The following PTHLH variants were observed in gnomAD, a reference collection of about 807,000 sequenced individuals.
The protein encoded by PTHLH is parathyroid hormone-related protein.
In PTHLH, 5 loss-of-function variants were observed where a neutral mutation model predicts 18.6. The observed-to-expected ratio is 0.27, with a 90% CI of 0.14 to 0.56. The LOEUF is 0.56. Ranked by LOEUF, PTHLH falls within the 20% of genes least tolerant of loss-of-function variation. The pLI is 0.92. For synonymous variants in PTHLH, 90 were observed against 94.0 expected (o/e 0.96, Z 0.25); for missense variants, 207 against 223.9 (o/e 0.92, Z 0.48).
chr12:27,961,240 A>T (rs926898290), intron 5 of PTHLH, among the ~76,000 whole-genome samples: 2 of 119,466 alleles, frequency 1.7e-5, no homozygotes, highest in African/African-American at 5.9e-5. Context: ...AATAAATAAA[A>T]TCCATCAAAA....
At chr12:27,969,675 A>G in intron 3 of PTHLH, 159 bp from the exon 4 acceptor site, 1 of 778,552 alleles carries the variant, frequency 1.3e-6, no homozygotes, top group Non-Finnish European at 2.3e-6. Flanking sequence ...GCCTCTCAGC[A>G]CTTACTTATT....
At chr12:27,961,317 AT>A (rs1288278457) in intron 5 of PTHLH, among the ~76,000 whole-genome samples, 1 of 137,052 alleles carries the variant, frequency 7.3e-6, no homozygotes, top group South Asian at 2.4e-4. Flanking sequence ...ATATATATAT[AT>A]ATACGTATAT....
intron 2 of PTHLH, among the ~76,000 whole-genome samples, chr12:27,970,755 G>A (rs1395235836): frequency 6.6e-6 from 1 of 152,128 alleles, no homozygotes; most frequent in Admixed American, 6.5e-5. Context: ...CGGGGACCGC[G>A]GGCAACCGGG....
chr12:27,966,093 A>T (rs963793704), intron 4 of PTHLH, among the ~76,000 whole-genome samples: 1 of 152,208 alleles, frequency 6.6e-6, no homozygotes, highest in African/African-American at 2.4e-5. Flanking sequence ...CATTGCTCAT[A>T]TGCCCCTTCT....
chr12:27,958,529 T>A lies in PTHLH; in HGVS notation c.*30A>T, dbSNP rs1479485542. Reference sequence around the variant, plus strand: ...TGTTCACTATTACAGAATCCTGCAATATGTCCTTGGAAGGTCTCTGCTGAA... The same window carrying A: ...TGTTCACTATTACAGAATCCTGCAAAATGTCCTTGGAAGGTCTCTGCTGAA... On this transcript the variant is annotated 3_prime_UTR_variant, in exon 6 of 6. Transcript: ENST00000545234. 1 of 1,561,552 alleles carries A rather than the reference T, an allele frequency of 6.4e-7. No homozygotes were observed. The highest frequency in any genetic ancestry group is 1.2e-5 in the South Asian group (1 of 84,506).
In PTHLH at chr12:27,963,329, G is replaced by C; in HGVS notation, c.524+19C>G. On this transcript the variant is annotated intron_variant, in intron 5 of 5. Transcript: ENST00000545234. ...CTGAGAGCACCCCGCTGAGGCTACG[G>C]GCCAGAGAAGCCTGTTACCGTGAAT... 1 of 1,614,184 alleles carries C rather than the reference G, an allele frequency of 6.2e-7. No homozygotes were observed. The highest frequency in any genetic ancestry group is 8.5e-7 in the Non-Finnish European group (1 of 1,180,018).
At chr12:27,964,605 T>A (rs1313403731) in intron 4 of PTHLH, among the ~76,000 whole-genome samples, 1 of 147,034 alleles carries the variant, frequency 6.8e-6, no homozygotes, top group Non-Finnish European at 1.5e-5. Flanking sequence ...GTGCTTCATG[T>A]TTTTTTTTTA....
Position 27,958,395 on chromosome 12 carries a change from A to AT in PTHLH, c.*163_*164insA, listed in dbSNP as rs1234520784. ...ATTGGATTAGCCTTGGCAAAAAAAA[A>AT]ATATTCACAATGACCAATGTGCAGT... On this transcript the variant is annotated 3_prime_UTR_variant, in exon 6 of 6. Coordinates refer to ENST00000545234, the MANE Select transcript of PTHLH (RefSeq NM_198965.2). 1 of 550,156 alleles carries AT rather than the reference A, an allele frequency of 1.8e-6. No homozygotes were observed. Among genetic ancestry groups the AT allele is most frequent in the African/African-American group, 2.0e-5 (1 of 50,860 alleles). 34.1% of individuals were successfully genotyped at this position (550,156 alleles called of 1,614,324 possible). A position where few individuals can be genotyped will look rare whatever the true frequency, so the allele number is the denominator to read the frequency against.
chr12:27,961,460 T>A (rs974717874), intron 5 of PTHLH, among the ~76,000 whole-genome samples: 1 of 146,856 alleles, frequency 6.8e-6, no homozygotes, highest in South Asian at 2.1e-4. Context: ...ATTTATTGAA[T>A]GTTTACTATA....
chr12:27,965,747 ATAGT>A (rs1282451665), intron 4 of PTHLH, among the ~76,000 whole-genome samples: 39 of 152,332 alleles, frequency 2.6e-4, no homozygotes, highest in Admixed American at 1.8e-3. Flanking sequence ...CTCTGCGGTA[ATAGT>A]TAGTATTCTG....
intron 5 of PTHLH, chr12:27,962,069 C>T (rs1327697010): frequency 1.7e-6 from 1 of 597,202 alleles, no homozygotes. Flanking sequence ...AAACATAGCA[C>T]TGTCTACGTG....
chr12:27,965,742 C>T (rs33091), intron 4 of PTHLH, among the ~76,000 whole-genome samples: 98,362 of 152,102 alleles, frequency 0.65, 33,496 homozygotes, highest in African/African-American at 0.88. Flanking sequence ...ACTTACTCTG[C>T]GGTAATAGTT....
rs575367026 is a variant in PTHLH, at chr12:27,963,159, T to A, written c.524+189A>T. ...TCTCTATGGTGCTGGAGGACAGGGG[T>A]GTGTGTGGTAGGGGGGTACTGCTTT... On this transcript the variant is annotated intron_variant, in intron 5 of 5. Coordinates refer to ENST00000545234, the MANE Select transcript of PTHLH (RefSeq NM_198965.2). 157 of 1,475,364 alleles carry A rather than the reference T, an allele frequency of 1.1e-4. No homozygotes were observed. The highest frequency in any genetic ancestry group is 7.4e-4 in the Middle Eastern group (3 of 4,038). The allele number at this position is 1,475,364 out of a possible 1,614,324, so 91.4% of individuals were successfully genotyped here.
At chr12:27,958,937 C>T (rs538533933) in intron 5 of PTHLH, among the ~76,000 whole-genome samples, 1 of 152,352 alleles carries the variant, frequency 6.6e-6, no homozygotes, top group South Asian at 2.1e-4. Flanking sequence ...GTTGGACCAT[C>T]CATCATTAAA....
At chr12:27,962,608 C>T (rs1028657387) in intron 5 of PTHLH, 1 of 985,446 alleles carries the variant, frequency 1.0e-6, no homozygotes. Flanking sequence ...TTTTATTTTT[C>T]CTACGGCATT....
Position 27,965,805 on chromosome 12 carries a change from A to T in PTHLH, c.102-2035T>A, listed in dbSNP as rs2062807671. Among the ~76,000 whole-genome samples the T allele has an allele frequency of 2.0e-5, 3 of 152,366 alleles. No individual in the cohort carries two copies. The South Asian group carries it at 6.2e-4, about 32-fold the overall frequency. Reference sequence around the variant, plus strand: ...CAAGTTTGAGGCTTTGGTACAAGGTATTTATATCCTTTAATAACATTTATA... The same window carrying T: ...CAAGTTTGAGGCTTTGGTACAAGGTTTTTATATCCTTTAATAACATTTATA... On this transcript the variant is annotated intron_variant, in intron 4 of 5. Transcript: ENST00000545234.
chr12:27,965,620 C>A (rs1222825649), intron 4 of PTHLH, among the ~76,000 whole-genome samples: 2 of 151,954 alleles, frequency 1.3e-5, no homozygotes, highest in African/African-American at 2.4e-5. Context: ...GTAGCTCATT[C>A]AAAAAAGACA....
chr12:27,961,639 T>A lies in PTHLH; in HGVS notation c.524+1709A>T, dbSNP rs2062762681. On this transcript the variant is annotated intron_variant, in intron 5 of 5. Transcript: ENST00000545234. Reference sequence around the variant, plus strand: ...CTAAATATGTGCAGTAAGCCAGAATTTATAGGGTTTGTTACCCTTTAGAGA... The same window carrying A: ...CTAAATATGTGCAGTAAGCCAGAATATATAGGGTTTGTTACCCTTTAGAGA... 1.0e-5 allele frequency: 3 copies of A among 298,764 alleles called. No individual in the cohort carries two copies. In the South Asian group the frequency reaches 3.7e-4, roughly 37 times the overall value. 18.5% of individuals were successfully genotyped at this position (298,764 alleles called of 1,614,324 possible).
At position 27,958,385 on chromosome 12, in the gene PTHLH, G is replaced by GAA; in HGVS notation, c.*173_*174insTT. ...GATAATAATAATTGGATTAGCCTTG[G>GAA]CAAAAAAAAAATATTCACAATGACC... On this transcript the variant is annotated 3_prime_UTR_variant, in exon 6 of 6. Transcript: ENST00000545234. 2.6e-6 allele frequency: 1 copy of GAA among 388,150 alleles called. No individual in the cohort carries two copies. Among genetic ancestry groups the GAA allele is most frequent in the Non-Finnish European group, 4.2e-6 (1 of 235,764 alleles). 24.0% of individuals were successfully genotyped at this position (388,150 alleles called of 1,614,324 possible). A position where few individuals can be genotyped will look rare whatever the true frequency, so the allele number is the denominator to read the frequency against.
Sources: allele counts gnomAD v4.1 joint callset (sites outside exome capture counted in the v4.1 genomes callset), GRCh38; gene constraint gnomAD v4.1.1; transcripts MANE v1.5; gene names NCBI Gene and HGNC (gene_info 2026-07-23, HGNC 2026-07-21).